MAPRE1: variants seen among roughly 807,000 people sequenced by gnomAD.
MAPRE1 encodes microtubule associated protein RP/EB family member 1.
A neutral mutation model predicts 32.1 loss-of-function variants in MAPRE1; 5 were observed. That is an observed-to-expected ratio of 0.16 (90% CI 0.08 to 0.33). The LOEUF (loss-of-function observed/expected upper bound fraction) is 0.33, where lower values mean the gene tolerates loss of function less well. Among genes scored for constraint, MAPRE1 ranks in the 10% least tolerant of loss-of-function variants. The probability of loss-of-function intolerance (pLI) is 1.00; values close to 1 mark genes in which losing one functional copy is unlikely to be tolerated. For missense variants in MAPRE1, 209 were observed against 327.2 expected (o/e 0.64, Z 2.79); for synonymous variants, 122 against 118.9 (o/e 1.03, Z -0.17).
chr20:32,843,980 A>G (rs992361058), intron 5 of MAPRE1, among the ~76,000 whole-genome samples: 2 of 152,040 alleles, frequency 1.3e-5, no homozygotes, highest in African/African-American at 4.8e-5. Flanking sequence ...CAGCCTCCCA[A>G]GTAGCTAGGA....
chr20:32,827,729 T>C (rs891205126), intron 2 of MAPRE1, among the ~76,000 whole-genome samples: 8 of 151,906 alleles, frequency 5.3e-5, no homozygotes, highest in Admixed American at 4.6e-4. Context: ...GCCCCGTCTC[T>C]GCTAAAAATA....
intron 5 of MAPRE1, among the ~76,000 whole-genome samples, chr20:32,841,023 C>A (rs1225784648): frequency 6.6e-6 from 1 of 152,206 alleles, no homozygotes; most frequent in Non-Finnish European, 1.5e-5. Context: ...ACCATATTGG[C>A]CAGGCTGGTC....
chr20:32,827,523 A>G (rs529717171), intron 2 of MAPRE1, among the ~76,000 whole-genome samples: 1 of 152,208 alleles, frequency 6.6e-6, no homozygotes, highest in Non-Finnish European at 1.5e-5. Flanking sequence ...AAAATGCCTT[A>G]TAATTCCACT....
intron 2 of MAPRE1, among the ~76,000 whole-genome samples, chr20:32,832,047 A>G (rs1364841270): frequency 2.0e-5 from 3 of 152,030 alleles, no homozygotes; most frequent in Non-Finnish European, 4.4e-5. Context: ...CCTTCTGAAG[A>G]TCCTTTCTTA....
chr20:32,834,504 C>T (rs6088017), intron 3 of MAPRE1, among the ~76,000 whole-genome samples: 3 of 151,902 alleles, frequency 2.0e-5, no homozygotes, highest in African/African-American at 7.3e-5. Flanking sequence ...TTCCCCCACC[C>T]TTGTGAAGGG....
intron 2 of MAPRE1, among the ~76,000 whole-genome samples, chr20:32,830,469 C>T (rs1170284349): frequency 6.6e-6 from 1 of 152,198 alleles, no homozygotes; most frequent in Non-Finnish European, 1.5e-5. Context: ...CCATTTGGGG[C>T]CATGATTCCA....
intron 5 of MAPRE1, among the ~76,000 whole-genome samples, chr20:32,842,772 G>A (rs1422439504): frequency 6.6e-6 from 1 of 152,212 alleles, no homozygotes; most frequent in Non-Finnish European, 1.5e-5. Context: ...TGGACTTGGT[G>A]CCTGCCTGTG....
chr20:32,833,883 A>G (rs1435714665), intron 3 of MAPRE1, 21 bp downstream of exon 3: 2 of 1,604,278 alleles, frequency 1.2e-6, no homozygotes, highest in South Asian at 1.1e-5. Context: ...GTTATCTTTT[A>G]TTGTGGTTAA....
At position 32,842,443 on chromosome 20, in the gene MAPRE1, T is replaced by C. The variant is rs377287060; in HGVS notation, c.597+2587T>C. ...ACAGTGTAAGCACTTAATTTCACTTTCGCAGCAACCCTGTGAGGTTTTACA... is the reference window on the plus strand; with the variant it reads ...ACAGTGTAAGCACTTAATTTCACTTCCGCAGCAACCCTGTGAGGTTTTACA... On this transcript the variant is annotated intron_variant, in intron 5 of 6. Transcript: ENST00000375571. 1.3e-4 allele frequency among the ~76,000 whole-genome samples: 20 copies of C among 152,354 alleles called. No individual in the cohort carries two copies. The South Asian group carries it at 4.1e-3, about 32-fold the overall frequency.
At chr20:32,848,311 G>C (rs1361097358) in intron 6 of MAPRE1, among the ~76,000 whole-genome samples, 1 of 152,078 alleles carries the variant, frequency 6.6e-6, no homozygotes, top group African/African-American at 2.4e-5. Flanking sequence ...AGGATTACAG[G>C]CATGAGCCAT....
At chr20:32,839,967 A>G (rs1210303138) in intron 5 of MAPRE1, 111 bp downstream of exon 5, 4 of 1,460,566 alleles carry the variant, frequency 2.7e-6, no homozygotes, top group Non-Finnish European at 3.7e-6. Context: ...TTTGCTTGCC[A>G]GAGCATGTGA....
At chr20:32,829,749 G>A (rs1214177306) in intron 2 of MAPRE1, among the ~76,000 whole-genome samples, 1 of 152,186 alleles carries the variant, frequency 6.6e-6, no homozygotes, top group Non-Finnish European at 1.5e-5. Context: ...TCAGCAGTGG[G>A]CTCTCCTACC....
intron 1 of MAPRE1, among the ~76,000 whole-genome samples, chr20:32,822,469 G>C (rs977453204): frequency 6.6e-6 from 1 of 152,166 alleles, no homozygotes; most frequent in African/African-American, 2.4e-5. Flanking sequence ...GTGCATCTCC[G>C]TGCAAGATGG....
In MAPRE1 at chr20:32,839,801, G is replaced by A. The variant is rs547725771; in HGVS notation, c.542G>A (p.Arg181Gln). ...AAPKAGPGVV[R>Q]KNPGVGNGDD... ...CCTAAGGCTGGCCCTGGTGTGGTGC[G>A]AAAGAACCCTGGTGTGGGCAACGGA... is the stretch of plus-strand genomic sequence containing the variant. Residue 181 changes from arginine to glutamine, a missense_variant, in exon 5 of 7, where the codon CGA becomes CAA. Physicochemically the swap from Arg to Gln is conservative, Grantham distance 43. Coordinates refer to ENST00000375571, the MANE Select transcript of MAPRE1 (RefSeq NM_012325.3). 3 of 1,614,222 alleles carry A rather than the reference G, an allele frequency of 1.9e-6. No homozygotes were observed. The highest frequency in any genetic ancestry group is 4.5e-5 in the East Asian group (2 of 44,874).
At chr20:32,848,570 A>G (rs1983567751) in intron 6 of MAPRE1, 102 bp from the exon 7 acceptor site, 1 of 833,822 alleles carries the variant, frequency 1.2e-6, no homozygotes, top group Admixed American at 2.5e-5. Context: ...GTATAGAGCC[A>G]GGAAGAACCA....
At position 32,846,575 on chromosome 20, in the gene MAPRE1, A is replaced by C. The variant is rs776595816; in HGVS notation, c.598-43A>C. The C allele has an allele frequency of 2.3e-5, 37 of 1,598,600 alleles. 1 individual carries two copies. The Admixed American group carries it at 3.7e-4, about 16-fold the overall frequency. On this transcript the variant is annotated intron_variant, in intron 5 of 6. Coordinates refer to ENST00000375571, the MANE Select transcript of MAPRE1 (RefSeq NM_012325.3). ...GAAGTCTGCCTGATATTTTATTGCC[A>C]TACTAATGCCAAGCATCTCACCCTT...
At chr20:32,842,177 C>T (rs1000180499) in intron 5 of MAPRE1, among the ~76,000 whole-genome samples, 1 of 152,202 alleles carries the variant, frequency 6.6e-6, no homozygotes, top group Non-Finnish European at 1.5e-5. Flanking sequence ...GCTCCGCCTC[C>T]TGGGTTCACG....
Position 32,833,753 on chromosome 20 carries a change from C to G in MAPRE1, c.158C>G (p.Pro53Arg). ...AYCQFMDMLF[P>R]GSIALKKVKF... ...TGTCAGTTTATGGACATGCTGTTCC[C>G]TGGCTCCATTGCCTTGAAGAAAGTG... Residue 53 changes from proline to arginine, a missense_variant, in exon 3 of 7, where the codon CCT (proline) becomes CGT (arginine). By Grantham distance (103) the Pro-to-Arg change is moderately radical. Coordinates refer to ENST00000375571, the MANE Select transcript of MAPRE1 (RefSeq NM_012325.3). 6.2e-7 allele frequency: 1 copy of G among 1,613,960 alleles called. No individual in the cohort carries two copies. The highest frequency in any genetic ancestry group is 8.5e-7 in the Non-Finnish European group (1 of 1,179,970).
chr20:32,825,978 A>G lies in MAPRE1; in HGVS notation c.51A>G (p.Arg17=). The change falls in exon 2 of 7, where the codon CGA becomes CGG. Residue 17 remains arginine, a synonymous_variant. Coordinates refer to ENST00000375571, the MANE Select transcript of MAPRE1 (RefSeq NM_012325.3). ...STSVTSDNLS[R]HDMLAWINES... is the part of the protein sequence containing the mutation. ...CAGTGACCAGTGATAACCTAAGTCG[A>G]CATGACATGCTGGCCTGGATCAATG... The G allele has an allele frequency of 6.2e-7, 1 of 1,610,846 alleles. No individual in the cohort carries two copies. Among genetic ancestry groups the G allele is most frequent in the Non-Finnish European group, 8.5e-7 (1 of 1,177,462 alleles).
Sources: gnomAD v4.1 joint callset for allele counts (sites outside exome capture counted in the v4.1 genomes callset) on GRCh38, gnomAD v4.1.1 for gene constraint, MANE v1.5 for transcripts, NCBI Gene and HGNC (gene_info 2026-07-23, HGNC 2026-07-21) for gene names.